GFPT1: variants seen among roughly 807,000 people sequenced by gnomAD.
GFPT1 encodes glutamine--fructose-6-phosphate aminotransferase [isomerizing] 1.
GFPT1 carries 40 observed loss-of-function variants against 92.0 expected under a neutral mutation model. That is an observed-to-expected ratio of 0.43 (90% confidence interval 0.34 to 0.57). GFPT1 has a LOEUF of 0.57. GFPT1 is among the 20% of genes least tolerant of loss of function. The probability of loss-of-function intolerance (pLI) is 0.02; values close to 1 mark genes in which losing one functional copy is unlikely to be tolerated. For synonymous variants in GFPT1, 269 were observed against 280.6 expected (o/e 0.96, Z 0.41); for missense variants, 448 against 869.1 (o/e 0.52, Z 6.09).
intron 1 of GFPT1, among the ~76,000 whole-genome samples, chr2:69,386,269 GAT>G (rs1574096648): frequency 6.6e-6 from 1 of 152,210 alleles, no homozygotes; most frequent in East Asian, 1.9e-4. Flanking sequence ...CTCTAGGAAA[GAT>G]ATTTGCTCAA....
intron 7 of GFPT1, among the ~76,000 whole-genome samples, chr2:69,355,625 AT>A (rs1671318133): frequency 6.6e-6 from 1 of 152,040 alleles, no homozygotes; most frequent in Non-Finnish European, 1.5e-5. Flanking sequence ...ATGTATTTTA[AT>A]TTTTTTCCTT....
chr2:69,356,656 C>T lies in GFPT1; in HGVS notation c.544-99G>A, dbSNP rs1175705590. ...TCAGCGCAGAAATTTTTTGTTCACA[C>T]AAATGCTCTTTTGTACCAGTTTATA... is the stretch of plus-strand genomic sequence containing the variant. On this transcript the variant is annotated intron_variant, in intron 6 of 19. Transcript: ENST00000357308. The T allele has an allele frequency of 1.1e-5, 9 of 830,170 alleles. No individual in the cohort carries two copies. In the East Asian group the frequency reaches 2.0e-4, roughly 18 times the overall value. The allele number at this position is 830,170 out of a possible 1,614,324, so 51.4% of individuals were successfully genotyped here. A position where few individuals can be genotyped will look rare whatever the true frequency, so the allele number is the denominator to read the frequency against.
chr2:69,370,973 C>T (rs1671731619), intron 2 of GFPT1, among the ~76,000 whole-genome samples: 1 of 151,756 alleles, frequency 6.6e-6, no homozygotes, highest in African/African-American at 2.4e-5. Flanking sequence ...GCATTCCAGC[C>T]TGGGCGACAG....
In GFPT1 at chr2:69,363,623, T is replaced by C; in HGVS notation, c.271A>G (p.Ile91Val). The change falls in exon 4 of 20, where the codon ATA becomes GTA. Residue 91 changes from isoleucine to valine, a missense_variant. Ile to Val is a conservative substitution (Grantham distance 29). This residue lies in a region of GFPT1 where 4 missense variants were observed against 27.6 expected (regional missense o/e 0.14). Coordinates refer to ENST00000357308, the MANE Select transcript of GFPT1 (RefSeq NM_001244710.2). ...TGTGTTGCCCAACGGGTATGAGCTA[T>C]TCCAAGGTGTACATCAAATTCTATA... ...LDIEFDVHLG[I>V]AHTRWATHGE... The C allele has an allele frequency of 6.2e-7, 1 of 1,610,034 alleles. No homozygotes were observed. The highest frequency in any genetic ancestry group is 8.5e-7 in the Non-Finnish European group (1 of 1,176,248).
chr2:69,365,916 G>A (rs756980838), intron 3 of GFPT1, among the ~76,000 whole-genome samples: 19 of 152,002 alleles, frequency 1.2e-4, no homozygotes, highest in Non-Finnish European at 2.4e-4. Flanking sequence ...GGGTTCAAGC[G>A]ATTCTCCTAT....
chr2:69,339,084 A>G (rs1670872440), intron 13 of GFPT1, among the ~76,000 whole-genome samples: 1 of 152,190 alleles, frequency 6.6e-6, no homozygotes, highest in Non-Finnish European at 1.5e-5. Flanking sequence ...GCGCCTGGAC[A>G]CATACATTCT....
At chr2:69,379,988 G>T (rs1224756259) in intron 1 of GFPT1, among the ~76,000 whole-genome samples, 1 of 151,920 alleles carries the variant, frequency 6.6e-6, no homozygotes, top group South Asian at 2.1e-4. Context: ...CAAAGTGCTG[G>T]GATTACAGGC....
intron 1 of GFPT1, among the ~76,000 whole-genome samples, chr2:69,383,814 G>A (rs1189330956): frequency 6.6e-6 from 1 of 152,070 alleles, no homozygotes; most frequent in Non-Finnish European, 1.5e-5. Context: ...TTTTAGTAGA[G>A]ACAGGGTTTC....
chr2:69,350,393 G>C (rs1444686439), intron 9 of GFPT1, among the ~76,000 whole-genome samples: 1 of 152,080 alleles, frequency 6.6e-6, no homozygotes, highest in Non-Finnish European at 1.5e-5. Context: ...AACTATCAAA[G>C]AGTGCGTGGC....
chr2:69,354,214 A>G (rs1671278981), intron 9 of GFPT1, 45 bp downstream of exon 9: 1 of 1,320,522 alleles, frequency 7.6e-7, no homozygotes, highest in Admixed American at 1.9e-5. Context: ...AGAATAAACA[A>G]AAGAGGATAA....
Position 69,323,405 on chromosome 2 carries a change from T to G in GFPT1, c.*2784A>C, listed in dbSNP as rs954330942. On this transcript the variant is annotated 3_prime_UTR_variant, in exon 20 of 20. Transcript: ENST00000357308. ...TTTAGTGGTGTGCCTCATTACAATGTCTCTTTTGTGTTAAGAATTAACTTA... is the reference window on the plus strand; with the variant it reads ...TTTAGTGGTGTGCCTCATTACAATGGCTCTTTTGTGTTAAGAATTAACTTA... The G allele has an allele frequency of 6.6e-6, 1 of 152,220 alleles. No homozygotes were observed. The highest frequency in any genetic ancestry group is 1.5e-5 in the Non-Finnish European group (1 of 68,038). 9.4% of individuals were successfully genotyped at this position (152,220 alleles called of 1,614,324 possible).
chr2:69,377,299 T>C (rs1457036998), intron 1 of GFPT1, among the ~76,000 whole-genome samples: 1 of 151,096 alleles, frequency 6.6e-6, no homozygotes, highest in Admixed American at 6.6e-5. Flanking sequence ...ACTTTAATAA[T>C]ACTTCTAACT....
intron 10 of GFPT1, among the ~76,000 whole-genome samples, chr2:69,348,913 C>G (rs558312682): frequency 5.9e-5 from 9 of 152,148 alleles, no homozygotes; most frequent in Non-Finnish European, 1.0e-4. Flanking sequence ...TCATCTCCCC[C>G]CAAGCTTCCT....
intron 15 of GFPT1, among the ~76,000 whole-genome samples, chr2:69,334,161 T>C (rs376615390): frequency 9.9e-5 from 15 of 151,434 alleles, no homozygotes; most frequent in African/African-American, 4.8e-5. Context: ...CATCTCAAAA[T>C]AATAATAATA....
intron 5 of GFPT1, 90 bp from the exon 6 acceptor site, chr2:69,358,553 T>A: frequency 2.3e-6 from 2 of 862,114 alleles, no homozygotes; most frequent in Non-Finnish European, 3.7e-6. Context: ...AAAATGCCAC[T>A]AATTTCTAAT....
rs567347891 is a variant in GFPT1, at chr2:69,334,300, T to G, written c.1482+3598A>C. On this transcript the variant is annotated intron_variant, in intron 15 of 19. Transcript: ENST00000357308. ...ACTAAGCCCAAAATGTCTAAGACATTTGAATAAAATTACTTTAGAATCCAA... is the reference window on the plus strand; with the variant it reads ...ACTAAGCCCAAAATGTCTAAGACATGTGAATAAAATTACTTTAGAATCCAA... Among the ~76,000 whole-genome samples, 3 of 152,232 alleles carry G rather than the reference T, an allele frequency of 2.0e-5. No individual in the cohort carries two copies. The South Asian group carries it at 6.2e-4, about 31-fold the overall frequency.
chr2:69,356,359 T>C (rs1671337653), intron 7 of GFPT1, 137 bp downstream of exon 7: 3 of 742,530 alleles, frequency 4.0e-6, no homozygotes, highest in Non-Finnish European at 7.4e-6. Context: ...AGAAGGAAGA[T>C]GTGAAAATAT....
intron 13 of GFPT1, among the ~76,000 whole-genome samples, chr2:69,339,920 A>G (rs1163835313): frequency 6.6e-6 from 1 of 152,106 alleles, no homozygotes; most frequent in Non-Finnish European, 1.5e-5. Flanking sequence ...CTAAAATGCT[A>G]AATGTTTTCC....
chr2:69,336,439 A>G (rs1301710938), intron 15 of GFPT1, among the ~76,000 whole-genome samples: 1 of 152,036 alleles, frequency 6.6e-6, no homozygotes, highest in East Asian at 1.9e-4. Flanking sequence ...CTTTGAGGGA[A>G]AAGAATTCAA....
Sources: allele counts gnomAD v4.1 joint callset (sites outside exome capture counted in the v4.1 genomes callset), GRCh38; gene constraint gnomAD v4.1.1; regional missense constraint gnomAD v4.1.1; transcripts MANE v1.5; gene names NCBI Gene and HGNC (gene_info 2026-07-23, HGNC 2026-07-21).